The following RBMS3 variants were observed in gnomAD, a reference collection of about 807,000 sequenced individuals.
RBMS3 encodes RNA binding motif single stranded interacting protein 3.
RBMS3 carries 27 observed loss-of-function variants against 66.8 expected under a neutral mutation model. The observed-to-expected ratio is 0.40, with a 90% CI of 0.30 to 0.56. The LOEUF is 0.56. RBMS3 is among the 20% of genes least tolerant of loss of function. The pLI, the probability that RBMS3 is intolerant of heterozygous loss-of-function variation, is 0.40. For synonymous variants in RBMS3, 188 were observed against 183.0 expected (o/e 1.03, Z -0.22); for missense variants, 513 against 549.5 (o/e 0.93, Z 0.66).
At chr3:29,668,031 C>A (rs1168211547) in intron 4 of RBMS3, among the ~76,000 whole-genome samples, 2 of 152,080 alleles carry the variant, frequency 1.3e-5, no homozygotes, top group African/African-American at 2.4e-5. Flanking sequence ...GTTTCAATTT[C>A]TTTCATGTCA....
intron 2 of RBMS3, among the ~76,000 whole-genome samples, chr3:29,463,614 GAAA>G (rs3041556): frequency 2.5e-4 from 32 of 127,222 alleles, no homozygotes; most frequent in African/African-American, 4.6e-4. Context: ...CTGGTTAGTT[GAAA>G]AAAAAAAAAA....
At chr3:29,894,017 C>G (rs1319735165) in intron 8 of RBMS3, among the ~76,000 whole-genome samples, 1 of 151,574 alleles carries the variant, frequency 6.6e-6, no homozygotes, top group African/African-American at 2.4e-5. Flanking sequence ...AGCTGACATT[C>G]TAGAATGAGA....
intron 6 of RBMS3, among the ~76,000 whole-genome samples, chr3:29,790,309 G>C (rs1030550267): frequency 2.6e-5 from 4 of 152,180 alleles, no homozygotes; most frequent in South Asian, 4.1e-4. Context: ...CATATTTAGC[G>C]CTCACATGAT....
intron 1 of RBMS3, among the ~76,000 whole-genome samples, chr3:29,397,477 G>T (rs1167349339): frequency 1.3e-5 from 2 of 152,012 alleles, no homozygotes; most frequent in African/African-American, 2.4e-5. Flanking sequence ...TGTGTTGAAT[G>T]GTTCTCCCAA....
intron 1 of RBMS3, among the ~76,000 whole-genome samples, chr3:29,360,541 G>GT (rs2037514200): frequency 6.6e-6 from 1 of 151,986 alleles, no homozygotes; most frequent in Admixed American, 6.5e-5. Flanking sequence ...GGGGTGAAGA[G>GT]TTCTGTAGAT....
At chr3:29,587,781 A>G (rs1300845187) in intron 4 of RBMS3, among the ~76,000 whole-genome samples, 1 of 151,930 alleles carries the variant, frequency 6.6e-6, no homozygotes, top group African/African-American at 2.4e-5. Flanking sequence ...TGGCCTTTAT[A>G]TGTAGAGTTT....
chr3:29,748,031 C>T (rs989154594), intron 5 of RBMS3, among the ~76,000 whole-genome samples: 1 of 152,058 alleles, frequency 6.6e-6, no homozygotes, highest in African/African-American at 2.4e-5. Flanking sequence ...GAAAATATTA[C>T]AAAAACACCC....
chr3:29,709,940 G>A (rs1048646937), intron 4 of RBMS3, among the ~76,000 whole-genome samples: 4 of 152,088 alleles, frequency 2.6e-5, no homozygotes, highest in African/African-American at 4.8e-5. Flanking sequence ...ATATAGGGTC[G>A]GTTAAGTGAA....
intron 3 of RBMS3, among the ~76,000 whole-genome samples, chr3:29,510,341 A>G (rs2044347981): frequency 6.6e-6 from 1 of 152,152 alleles, no homozygotes; most frequent in South Asian, 2.1e-4. Flanking sequence ...ACCACCATTC[A>G]GTCTTTACTC....
At chr3:29,699,388 C>G (rs2052438255) in intron 4 of RBMS3, among the ~76,000 whole-genome samples, 1 of 152,184 alleles carries the variant, frequency 6.6e-6, no homozygotes, top group African/African-American at 2.4e-5. Flanking sequence ...CTCAGGTAAT[C>G]CACCTGTCTT....
chr3:29,816,890 G>A (rs578000895), intron 6 of RBMS3, among the ~76,000 whole-genome samples: 2 of 152,166 alleles, frequency 1.3e-5, no homozygotes, highest in South Asian at 4.1e-4. Context: ...AGGAGTTCGA[G>A]ACCAGCCTGG....
At chr3:29,518,677 T>C (rs2044735956) in intron 3 of RBMS3, among the ~76,000 whole-genome samples, 1 of 152,226 alleles carries the variant, frequency 6.6e-6, no homozygotes, top group Non-Finnish European at 1.5e-5. Flanking sequence ...TCTTTATTCA[T>C]TTTTTAAATT....
intron 1 of RBMS3, among the ~76,000 whole-genome samples, chr3:29,311,548 T>C (rs894300523): frequency 3.3e-5 from 5 of 151,808 alleles, no homozygotes; most frequent in Non-Finnish European, 7.4e-5. Flanking sequence ...ATGGCATGTG[T>C]TCCTGGGGTG....
intron 6 of RBMS3, among the ~76,000 whole-genome samples, chr3:29,811,013 G>A (rs2057714224): frequency 6.6e-6 from 1 of 152,070 alleles, no homozygotes; most frequent in South Asian, 2.1e-4. Flanking sequence ...ATAGTTTGTG[G>A]AGGACTACTG....
At chr3:29,734,563 G>C (rs752817101) in intron 4 of RBMS3, among the ~76,000 whole-genome samples, 75 of 151,940 alleles carry the variant, frequency 4.9e-4, no homozygotes, top group Non-Finnish European at 1.0e-3. Context: ...TTTAAAAAGG[G>C]TTCGATAGTA....
At chr3:29,522,382 C>T (rs546379443) in intron 3 of RBMS3, among the ~76,000 whole-genome samples, 8 of 152,144 alleles carry the variant, frequency 5.3e-5, no homozygotes, top group African/African-American at 1.2e-4. Flanking sequence ...TTAGTAGAGA[C>T]GGGGTTTTAT....
rs570218376 is a variant in RBMS3, at chr3:29,368,544, G to C, written c.76-66199G>C. 4.6e-5 allele frequency among the ~76,000 whole-genome samples: 7 copies of C among 151,000 alleles called. No individual in the cohort carries two copies. In the South Asian group the frequency reaches 1.5e-3, roughly 32 times the overall value. ...ATTTTTCACATCACTACTGAAAAATGAGAGTTCACAAGGAGCTGTTAAAAA... is the reference window on the plus strand; with the variant it reads ...ATTTTTCACATCACTACTGAAAAATCAGAGTTCACAAGGAGCTGTTAAAAA... On this transcript the variant is annotated intron_variant, in intron 1 of 14. Coordinates refer to ENST00000383767, the MANE Select transcript of RBMS3 (RefSeq NM_001003793.3).
intron 6 of RBMS3, among the ~76,000 whole-genome samples, chr3:29,784,195 G>A (rs947904206): frequency 3.3e-5 from 5 of 152,038 alleles, no homozygotes; most frequent in African/African-American, 1.2e-4. Flanking sequence ...ACAACACATG[G>A]ATTTAACAGA....
intron 2 of RBMS3, among the ~76,000 whole-genome samples, chr3:29,462,240 C>T (rs548251664): frequency 4.6e-5 from 7 of 152,268 alleles, no homozygotes; most frequent in African/African-American, 1.7e-4. Context: ...AATTTCTCTA[C>T]AGACCCTTTG....
Sources: gnomAD v4.1 joint callset for allele counts (sites outside exome capture counted in the v4.1 genomes callset) on GRCh38, gnomAD v4.1.1 for gene constraint, MANE v1.5 for transcripts, NCBI Gene and HGNC (gene_info 2026-07-23, HGNC 2026-07-21) for gene names.